Variants in CCDC102B observed in about 807,000 individuals in gnomAD.
The protein encoded by CCDC102B is coiled-coil domain containing 102B.
A neutral mutation model predicts 57.4 loss-of-function variants in CCDC102B; 75 were observed. The observed-to-expected ratio is 1.31, with a 90% CI of 1.08 to 1.58. The LOEUF is 1.58. Ranked by LOEUF, CCDC102B falls within the 40% of genes most tolerant of loss-of-function variation. The pLI is 0.00. For missense variants in CCDC102B, 636 were observed against 582.6 expected (o/e 1.09, Z -0.94); for synonymous variants, 206 against 201.9 (o/e 1.02, Z -0.17).
chr18:68,879,282 T>C (rs1442320757), intron 5 of CCDC102B, among the ~76,000 whole-genome samples: 1 of 152,150 alleles, frequency 6.6e-6, no homozygotes, highest in Non-Finnish European at 1.5e-5. Flanking sequence ...GTGTTACAGC[T>C]CATAAAAGCA....
intron 6 of CCDC102B, among the ~76,000 whole-genome samples, chr18:68,955,183 T>C (rs2049809358): frequency 6.6e-6 from 1 of 152,198 alleles, no homozygotes; most frequent in Non-Finnish European, 1.5e-5. Flanking sequence ...CAAATCTTAA[T>C]TTATTCCTCT....
intron 2 of CCDC102B, among the ~76,000 whole-genome samples, chr18:68,757,550 A>G (rs1304117584): frequency 2.6e-5 from 4 of 152,166 alleles, no homozygotes; most frequent in Non-Finnish European, 5.9e-5. Context: ...TACTGGTGTG[A>G]AGAAAATTAT....
At chr18:69,023,124 A>G (rs2051892299) in intron 7 of CCDC102B, among the ~76,000 whole-genome samples, 2 of 152,210 alleles carry the variant, frequency 1.3e-5, no homozygotes, top group Non-Finnish European at 2.9e-5. Flanking sequence ...ACAAGGTATC[A>G]TATACTGGGC....
chr18:68,730,010 A>G (rs2032784944), intron 2 of CCDC102B, among the ~76,000 whole-genome samples: 1 of 152,348 alleles, frequency 6.6e-6, no homozygotes, highest in African/African-American at 2.4e-5. Context: ...TTAAAATGTA[A>G]TAAATTCAAA....
chr18:68,913,320 G>A (rs1386029576), intron 6 of CCDC102B, among the ~76,000 whole-genome samples: 1 of 150,776 alleles, frequency 6.6e-6, no homozygotes, highest in Non-Finnish European at 1.5e-5. Flanking sequence ...CTGTGTGTGT[G>A]TGTGTGTGTG....
Position 68,800,867 on chromosome 18 carries a change from T to A in CCDC102B, c.-16+2686T>A, listed in dbSNP as rs143418096. On this transcript the variant is annotated intron_variant, in intron 1 of 7. Transcript: ENST00000360242. Reference sequence around the variant, plus strand: ...CACAGTAAAAAAGAATAGAACTTATTTATTAACATGTTTTCCTTCATATAT... The same window carrying A: ...CACAGTAAAAAAGAATAGAACTTATATATTAACATGTTTTCCTTCATATAT... Among the ~76,000 whole-genome samples, 122 of 152,298 alleles carry A rather than the reference T, an allele frequency of 8.0e-4. 1 individual carries two copies. Among genetic ancestry groups the A allele is most frequent in the African/African-American group, 2.9e-3 (121 of 41,578 alleles).
intron 6 of CCDC102B, among the ~76,000 whole-genome samples, chr18:68,945,143 C>CACACACACACACAG (rs2049501679): frequency 6.6e-6 from 1 of 151,654 alleles, no homozygotes; most frequent in Non-Finnish European, 1.5e-5. Context: ...CACACACACA[C>CACACACACACACAG]ACACACTCAT....
At chr18:69,028,308 A>G (rs2052046988) in intron 7 of CCDC102B, among the ~76,000 whole-genome samples, 1 of 152,206 alleles carries the variant, frequency 6.6e-6, no homozygotes. Flanking sequence ...TATGAATGAA[A>G]GGTTGGTAAG....
At chr18:68,943,142 G>T (rs2049434176) in intron 6 of CCDC102B, among the ~76,000 whole-genome samples, 2 of 149,696 alleles carry the variant, frequency 1.3e-5, no homozygotes, top group African/African-American at 2.4e-5. Context: ...CAAGGCAGAA[G>T]AATTTTTCTT....
intron 2 of CCDC102B, among the ~76,000 whole-genome samples, chr18:68,733,198 G>T (rs2032962010): frequency 6.6e-6 from 1 of 152,088 alleles, no homozygotes; most frequent in Admixed American, 6.6e-5. Flanking sequence ...ACCAAGGACT[G>T]ATGCCTTTCA....
chr18:68,767,005 A>AATAC (rs1379100172), intron 2 of CCDC102B, among the ~76,000 whole-genome samples: 1 of 152,212 alleles, frequency 6.6e-6, no homozygotes, highest in African/African-American at 2.4e-5. Context: ...ATTAAACTGA[A>AATAC]ATACACACTT....
At chr18:68,723,044 C>T (rs1044860132) in intron 2 of CCDC102B, among the ~76,000 whole-genome samples, 2 of 151,970 alleles carry the variant, frequency 1.3e-5, no homozygotes, top group Non-Finnish European at 1.5e-5. Flanking sequence ...CACAGTTCCT[C>T]ATGGCTGGGG....
intron 6 of CCDC102B, among the ~76,000 whole-genome samples, chr18:68,958,852 A>C (rs951421246): frequency 1.3e-5 from 2 of 151,954 alleles, no homozygotes; most frequent in Admixed American, 6.6e-5. Context: ...GATTCTTTTT[A>C]GTTATTTTAA....
At chr18:68,944,106 G>C (rs1036122110) in intron 6 of CCDC102B, among the ~76,000 whole-genome samples, 4 of 152,114 alleles carry the variant, frequency 2.6e-5, no homozygotes. Flanking sequence ...CCTTTGAAAT[G>C]CTGAGGATCT....
chr18:68,977,735 T>C (rs2050477494), intron 6 of CCDC102B, among the ~76,000 whole-genome samples: 1 of 151,980 alleles, frequency 6.6e-6, no homozygotes, highest in African/African-American at 2.4e-5. Context: ...GGCCTTTGGA[T>C]CTTACAATTA....
In CCDC102B at chr18:69,013,410, A is replaced by T. The variant is rs185196381; in HGVS notation, c.1434+2306A>T. ...GAAGGAGGGTAAATGATAAGAAATT[A>T]CCTCAACGGTAAAATGTCCATTATT... On this transcript the variant is annotated intron_variant, in intron 7 of 7. Transcript: ENST00000360242. 2.7e-4 allele frequency among the ~76,000 whole-genome samples: 41 copies of T among 152,310 alleles called. 1 individual carries two copies. In the East Asian group the frequency reaches 7.3e-3, roughly 27 times the overall value.
In CCDC102B at chr18:69,014,708, T is replaced by TTG. The variant is rs1007723512; in HGVS notation, c.1434+3618_1434+3619dup. ...TGGAGATAATCACGAGGTGTTTTTTTTGTGTGTGTGTGTGTATTCTAAATT... is the reference window on the plus strand; with the variant it reads ...TGGAGATAATCACGAGGTGTTTTTTTTGTGTGTGTGTGTGTGTATTCTAAATT... On this transcript the variant is annotated intron_variant, in intron 7 of 7. Transcript: ENST00000360242. Among the ~76,000 whole-genome samples, 156 of 151,858 alleles carry TTG rather than the reference T, an allele frequency of 1.0e-3. 2 individuals carry two copies. Among genetic ancestry groups the TTG allele is most frequent in the African/African-American group, 3.2e-3 (131 of 41,382 alleles).
At chr18:68,783,267 T>C (rs1158355092) in intron 2 of CCDC102B, among the ~76,000 whole-genome samples, 3 of 152,200 alleles carry the variant, frequency 2.0e-5, no homozygotes, top group Non-Finnish European at 2.9e-5. Context: ...ATTCCTTAAG[T>C]GTGTTTCACT....
intron 1 of CCDC102B, among the ~76,000 whole-genome samples, chr18:68,801,573 A>T (rs2035854945): frequency 6.6e-6 from 1 of 152,098 alleles, no homozygotes; most frequent in Non-Finnish European, 1.5e-5. Flanking sequence ...ATTGAGAAAA[A>T]AAACATATGC....
Sources: gnomAD v4.1 joint callset for allele counts (sites outside exome capture counted in the v4.1 genomes callset) on GRCh38, gnomAD v4.1.1 for gene constraint, MANE v1.5 for transcripts, NCBI Gene and HGNC (gene_info 2026-07-23, HGNC 2026-07-21) for gene names.